The following NUP98 variants were observed in gnomAD, a reference collection of about 807,000 sequenced individuals.
NUP98 encodes the protein nucleoporin 98 and 96 precursor.
A neutral mutation model predicts 191.9 loss-of-function variants in NUP98; 26 were observed. That is an observed-to-expected ratio of 0.14 (90% confidence interval 0.10 to 0.19). The LOEUF is 0.19. NUP98 is among the 10% of genes least tolerant of loss of function. The pLI, the probability that NUP98 is intolerant of heterozygous loss-of-function variation, is 1.00. For synonymous variants in NUP98, 808 were observed against 778.4 expected, an observed-to-expected ratio of 1.04 and a Z score of -0.63; for missense variants, 1,941 against 2,178.8, an observed-to-expected ratio of 0.89 and a Z score of 2.17.
At chr11:3,726,422 C>T (rs1205111173) in intron 14 of NUP98, among the ~76,000 whole-genome samples, 1 of 149,878 alleles carries the variant, frequency 6.7e-6, no homozygotes, top group Non-Finnish European at 1.5e-5. Context: ...TTGAAGTTAC[C>T]AGTAATACTG....
intron 23 of NUP98, among the ~76,000 whole-genome samples, 148 bp downstream of exon 23, chr11:3,702,309 ACACACT>A (rs1314021864): frequency 5.6e-4 from 30 of 53,834 alleles, no homozygotes; most frequent in Non-Finnish European, 6.9e-4. Flanking sequence ...ACACACACAC[ACACACT>A]CTCTCTCTCT....
At chr11:3,770,125 G>A (rs2081477477) in intron 7 of NUP98, among the ~76,000 whole-genome samples, 1 of 150,564 alleles carries the variant, frequency 6.6e-6, no homozygotes, top group Non-Finnish European at 1.5e-5. Flanking sequence ...CTGGTTAATC[G>A]CCTGAGGTCA....
In NUP98 at chr11:3,676,319, G is replaced by T. The variant is rs2077809366; in HGVS notation, c.5243C>A (p.Pro1748His). The change falls in exon 33 of 33, where the codon CCT becomes CAT. Residue 1748 changes from proline (P) to histidine (H), a missense_variant. Pro to His is a moderately conservative substitution (Grantham distance 77, BLOSUM62 -2). Around this residue, in one of 6 missense-constraint regions of NUP98, gnomAD observed 1,030 missense variants for 1,115.8 expected, o/e 0.92. Transcript: ENST00000324932. The stretch of plus-strand genomic sequence containing the variant: ...TGGTGTTGAGTCGGAGGTTCTATCA[G>T]GAGGATGATGCAGACTCAGCACCAC... ...LRVVLSLHHPPDRTSDSTPDP... is the reference protein window; with the variant it reads ...LRVVLSLHHPHDRTSDSTPDP... 6.2e-7 allele frequency: 1 copy of T among 1,614,122 alleles called. No homozygotes were observed. The highest frequency in any genetic ancestry group is 1.6e-4 in the Middle Eastern group (1 of 6,062).
intron 28 of NUP98, 99 bp downstream of exon 28, chr11:3,691,248 C>T: frequency 7.6e-7 from 1 of 1,309,234 alleles, no homozygotes; most frequent in Non-Finnish European, 1.1e-6. Context: ...TATGGACTTA[C>T]AGCAATCTGG....
At chr11:3,723,135 C>T (rs775520902) in intron 16 of NUP98, 22 bp downstream of exon 16, 6 of 1,606,994 alleles carry the variant, frequency 3.7e-6, no homozygotes, top group South Asian at 1.1e-5. Flanking sequence ...AGAGATTAAA[C>T]ATGCACCAAT....
chr11:3,782,172 T>C (rs1335541397), intron 1 of NUP98, 27 bp from the exon 2 acceptor site: 11 of 1,214,990 alleles, frequency 9.1e-6, no homozygotes, highest in East Asian at 2.4e-5. Flanking sequence ...ATTATCACTC[T>C]CTTAAAGACC....
intron 31 of NUP98, among the ~76,000 whole-genome samples, chr11:3,677,368 A>C (rs1036036675): frequency 5.9e-5 from 9 of 151,842 alleles, no homozygotes; most frequent in East Asian, 1.9e-4. Flanking sequence ...TAAGGAGAAG[A>C]AGCAGAACAA....
intron 14 of NUP98, among the ~76,000 whole-genome samples, chr11:3,726,872 C>T (rs1168079339): frequency 6.6e-6 from 1 of 151,770 alleles, no homozygotes; most frequent in African/African-American, 2.4e-5. Flanking sequence ...TGTGATGCTC[C>T]CACCTCAGCC....
Position 3,713,977 on chromosome 11 carries a change from C to T in NUP98, c.2418G>A (p.Leu806=). 6.2e-7 allele frequency: 1 copy of T among 1,614,038 alleles called. No homozygotes were observed. The highest frequency in any genetic ancestry group is 8.5e-7 in the Non-Finnish European group (1 of 1,179,982). ...TTTTATCTGTTGGCCAAACTCCATC[C>T]AATGTAACTTCAGCCTTCCTGTAAA... ...EGLNRKAEVT[L]DGVWPTDKTS... is the part of the protein sequence containing the mutation. The change falls in exon 19 of 33, where the codon TTG becomes TTA. Residue 806 remains leucine (L), a synonymous_variant. Transcript: ENST00000324932.
At chr11:3,705,750 TACAG>T (rs1355061321) in intron 21 of NUP98, among the ~76,000 whole-genome samples, 5 of 152,186 alleles carry the variant, frequency 3.3e-5, no homozygotes, top group African/African-American at 1.2e-4. Context: ...GTGGAGCACA[TACAG>T]AGTCTTAAAA....
intron 17 of NUP98, among the ~76,000 whole-genome samples, chr11:3,720,232 A>T (rs146149932): frequency 3.2e-4 from 48 of 152,344 alleles, no homozygotes; most frequent in Admixed American, 1.0e-3. Context: ...ATTTCCCACA[A>T]GAAAATTATC....
intron 21 of NUP98, 82 bp from the exon 22 acceptor site, chr11:3,705,438 C>A: frequency 7.3e-7 from 1 of 1,362,584 alleles, no homozygotes; most frequent in Non-Finnish European, 1.0e-6. Flanking sequence ...TTACAACAAC[C>A]AAAAATATTG....
rs913872903 is a variant in NUP98, at chr11:3,706,439, C to T, written c.2925+6G>A. 3.7e-6 allele frequency: 6 copies of T among 1,613,892 alleles called. No homozygotes were observed. Among genetic ancestry groups the T allele is most frequent in the Non-Finnish European group, 5.1e-6 (6 of 1,179,818 alleles). The stretch of plus-strand genomic sequence containing the variant: ...CTGTTACAAAAAAGGTGGGTTAGAA[C>T]TTCACCTGTAAGACATGTGGATTAA... On this transcript the variant is annotated splice_donor_region_variant and intron_variant, in intron 21 of 32. Coordinates refer to ENST00000324932, the MANE Select transcript of NUP98 (RefSeq NM_016320.5).
chr11:3,706,316 G>T (rs1164669318), intron 21 of NUP98, 129 bp downstream of exon 21: 4 of 780,050 alleles, frequency 5.1e-6, no homozygotes, highest in African/African-American at 3.5e-5. Context: ...CCATATTCTT[G>T]TATTTTTTTT....
At chr11:3,710,282 T>C (rs937835346) in intron 20 of NUP98, among the ~76,000 whole-genome samples, 1 of 152,146 alleles carries the variant, frequency 6.6e-6, no homozygotes, top group Non-Finnish European at 1.5e-5. Flanking sequence ...CCTTAATTCA[T>C]CTCTGTGACT....
At chr11:3,768,889 G>T in intron 7 of NUP98, 145 bp from the exon 8 acceptor site, 2 of 551,914 alleles carry the variant, frequency 3.6e-6, no homozygotes, top group Non-Finnish European at 5.7e-6. Flanking sequence ...TCATCTTTTC[G>T]TTTTCCATCC....
In NUP98 at chr11:3,723,122, G is replaced by T. The variant is rs375086012; in HGVS notation, c.2146+35C>A. ...ACAAGCAAGTCATCTCGAATGACTG[G>T]TAAGAGATTAAACATGCACCAATCT... On this transcript the variant is annotated intron_variant, in intron 16 of 32. Coordinates refer to ENST00000324932, the MANE Select transcript of NUP98 (RefSeq NM_016320.5). 1.2e-5 allele frequency: 19 copies of T among 1,591,656 alleles called. No homozygotes were observed. In the African/African-American group the frequency reaches 2.3e-4, roughly 19 times the overall value.
chr11:3,735,196 CCTT>C lies in NUP98; in HGVS notation c.1534_1536del (p.Lys512del), dbSNP rs2079999911. On this transcript the variant is annotated inframe_deletion, in exon 13 of 33. Coordinates refer to ENST00000324932, the MANE Select transcript of NUP98 (RefSeq NM_016320.5). ...AGAAGTATCCTTAAATTTACCTCTT[CCTT>C]CTTCTTAGGGTCTGACATCGGATTC... 1 of 1,580,704 alleles carries C rather than the reference CCTT, an allele frequency of 6.3e-7. No homozygotes were observed. The highest frequency in any genetic ancestry group is 1.4e-5 in the African/African-American group (1 of 73,858).
intron 7 of NUP98, 144 bp downstream of exon 7, chr11:3,771,604 T>C (rs892202955): frequency 3.0e-6 from 2 of 662,568 alleles, no homozygotes; most frequent in Non-Finnish European, 5.1e-6. Flanking sequence ...TTTCCCCACA[T>C]ACATCCAGGC....
Sources: gnomAD v4.1 joint callset for allele counts (sites outside exome capture counted in the v4.1 genomes callset) on GRCh38, gnomAD v4.1.1 for gene constraint, gnomAD v4.1.1 regional missense constraint, MANE v1.5 for transcripts, NCBI Gene and HGNC (gene_info 2026-07-23, HGNC 2026-07-21) for gene names.